The following MPPED1 variants were observed in gnomAD, a reference collection of about 807,000 sequenced individuals.
MPPED1 encodes the protein metallophosphoesterase domain containing 1.
A neutral mutation model predicts 36.2 loss-of-function variants in MPPED1; 16 were observed. The ratio of observed to expected loss-of-function variants is 0.44; its 90% CI spans 0.30 to 0.67. The LOEUF (loss-of-function observed/expected upper bound fraction) is 0.67, where lower values mean the gene tolerates loss of function less well. Ranked by LOEUF, MPPED1 falls within the 30% of genes least tolerant of loss-of-function variation. MPPED1 has a pLI of 0.10. For synonymous variants in MPPED1, 199 were observed against 191.3 expected (o/e 1.04, Z -0.33); for missense variants, 307 against 453.4 (o/e 0.68, Z 2.93).
chr22:43,456,472 T>C (rs2146860509), intron 3 of MPPED1, among the ~76,000 whole-genome samples: 1 of 152,224 alleles, frequency 6.6e-6, no homozygotes, highest in African/African-American at 2.4e-5. Flanking sequence ...TCAGAAGATC[T>C]CTTCTATTCC....
At chr22:43,416,875 T>G (rs896210820) in intron 1 of MPPED1, 16 of 458,726 alleles carry the variant, frequency 3.5e-5, no homozygotes, top group Non-Finnish European at 2.3e-5. Context: ...GTGTGTTTCT[T>G]TGCGTCTCGG....
rs940867145 is a variant in MPPED1 at position 43,450,098 on chromosome 22, A to T, written c.406+14883A>T. ...CCTTGTCCTCGGTGGGACCAGCCCCATTCTTCTCACGTGTCAGTGACCTCC... is the reference window on the plus strand; with the variant it reads ...CCTTGTCCTCGGTGGGACCAGCCCCTTTCTTCTCACGTGTCAGTGACCTCC... On this transcript the variant is annotated intron_variant, in intron 3 of 6. Transcript: ENST00000443721. Among the ~76,000 whole-genome samples, 3 of 152,126 alleles carry T rather than the reference A, an allele frequency of 2.0e-5. No homozygotes were observed. In the East Asian group the frequency reaches 5.8e-4, roughly 29 times the overall value.
chr22:43,426,965 T>G (rs1398330774), intron 2 of MPPED1, among the ~76,000 whole-genome samples: 1 of 152,124 alleles, frequency 6.6e-6, no homozygotes, highest in Non-Finnish European at 1.5e-5. Context: ...GCTGCAGGGA[T>G]GGGGGCCTTC....
chr22:43,447,859 TTATATA>T (rs1238294657), intron 3 of MPPED1, among the ~76,000 whole-genome samples: 13 of 62,526 alleles, frequency 2.1e-4, no homozygotes, highest in Non-Finnish European at 3.8e-4. Flanking sequence ...TATGTAAATA[TTATATA>T]TATATATATA....
intron 6 of MPPED1, among the ~76,000 whole-genome samples, chr22:43,503,086 G>A (rs1344128478): frequency 1.3e-5 from 2 of 152,190 alleles, no homozygotes; most frequent in Admixed American, 1.3e-4. Context: ...GCCGTGACAT[G>A]GAGGATGCAT....
chr22:43,502,188 T>C lies in MPPED1; in HGVS notation c.749-456T>C, dbSNP rs1402880911. Among the ~76,000 whole-genome samples the C allele has an allele frequency of 6.6e-6, 1 of 152,122 alleles. No individual in the cohort carries two copies. The highest frequency in any genetic ancestry group is 2.4e-5 in the African/African-American group (1 of 41,416). The stretch of plus-strand genomic sequence containing the variant: ...TTAGGAAGTTTCTGACATGGAAATC[T>C]CACTCCTGGGCTGTGTATCAGGACG... On this transcript the variant is annotated intron_variant, in intron 5 of 6. Transcript: ENST00000443721. This position sits in a 1 kb window ranked among gnomAD's most constrained non-coding sequence, Gnocchi z 5.5.
chr22:43,485,419 C>T (rs1232375243), intron 4 of MPPED1, among the ~76,000 whole-genome samples: 4 of 152,044 alleles, frequency 2.6e-5, no homozygotes, highest in Non-Finnish European at 5.9e-5. Flanking sequence ...CACACATATT[C>T]ATACACACAT....
intron 3 of MPPED1, among the ~76,000 whole-genome samples, chr22:43,441,497 G>A (rs1260557377): frequency 6.6e-6 from 1 of 152,190 alleles, no homozygotes; most frequent in Admixed American, 6.5e-5. Context: ...CCAGCCTGGT[G>A]CCGAGGTGCC....
chr22:43,413,159 C>T (rs1018596629), intron 1 of MPPED1, among the ~76,000 whole-genome samples: 4 of 152,222 alleles, frequency 2.6e-5, no homozygotes, highest in Non-Finnish European at 5.9e-5. Context: ...TCCCCCTCCC[C>T]ATTTCCCCTG....
In MPPED1 at chr22:43,450,218, A is replaced by T. The variant is rs1461326619; in HGVS notation, c.406+15003A>T. 2.0e-5 allele frequency among the ~76,000 whole-genome samples: 3 copies of T among 152,078 alleles called. No homozygotes were observed. In the East Asian group the frequency reaches 5.8e-4, roughly 29 times the overall value. Reference sequence around the variant, plus strand: ...AGCCATGATGTGGTCATGTCCGTGGACCTGGGCTAGTTTAATTCCTGAATG... The same window carrying T: ...AGCCATGATGTGGTCATGTCCGTGGTCCTGGGCTAGTTTAATTCCTGAATG... On this transcript the variant is annotated intron_variant, in intron 3 of 6. Transcript: ENST00000443721.
At chr22:43,466,387 G>A (rs1448259697) in intron 3 of MPPED1, among the ~76,000 whole-genome samples, 2 of 152,150 alleles carry the variant, frequency 1.3e-5, no homozygotes, top group South Asian at 2.1e-4. Context: ...TGTGTGCCCA[G>A]GTAGGTGACC....
In MPPED1 at chr22:43,502,130, C is replaced by T. The variant is rs1286596124; in HGVS notation, c.749-514C>T. Among the ~76,000 whole-genome samples, 6 of 152,276 alleles carry T rather than the reference C, an allele frequency of 3.9e-5. 1 individual carries two copies. Among genetic ancestry groups the T allele is most frequent in the Admixed American group, 1.3e-4 (2 of 15,306 alleles). ...AGCCACGTGAGCGATGCTGCACCCA[C>T]GGAGGAAGTTTCTGCTCATGAGTCT... On this transcript the variant is annotated intron_variant, in intron 5 of 6. Transcript: ENST00000443721. The surrounding 1 kb of genome is among the most constrained non-coding windows in gnomAD (Gnocchi z 5.5).
At chr22:43,413,930 G>A (rs1255587807) in intron 1 of MPPED1, among the ~76,000 whole-genome samples, 3 of 152,284 alleles carry the variant, frequency 2.0e-5, no homozygotes, top group African/African-American at 4.8e-5. Context: ...ATTGAATGAG[G>A]TCCCTGTACT....
chr22:43,435,707 A>C (rs1301206207), intron 3 of MPPED1, among the ~76,000 whole-genome samples: 1 of 152,152 alleles, frequency 6.6e-6, no homozygotes, highest in East Asian at 1.9e-4. Context: ...AAATACAAAA[A>C]TTAGCTGGGT....
At chr22:43,504,304 G>C (rs1254802577) in intron 6 of MPPED1, among the ~76,000 whole-genome samples, 1 of 151,988 alleles carries the variant, frequency 6.6e-6, no homozygotes, top group Non-Finnish European at 1.5e-5. Flanking sequence ...AATGACAGTG[G>C]TGTTGGTGGT....
At chr22:43,448,935 T>C (rs1368101604) in intron 3 of MPPED1, among the ~76,000 whole-genome samples, 1 of 152,074 alleles carries the variant, frequency 6.6e-6, no homozygotes, top group African/African-American at 2.4e-5. Context: ...AGACCTTTTG[T>C]ATATGGGAAC....
intron 3 of MPPED1, among the ~76,000 whole-genome samples, chr22:43,437,639 C>G (rs1360405605): frequency 6.6e-6 from 1 of 152,198 alleles, no homozygotes; most frequent in Non-Finnish European, 1.5e-5. Flanking sequence ...GCCTGGGTGA[C>G]CACAGCAGCC....
At chr22:43,483,376 C>T (rs772684833) in intron 4 of MPPED1, among the ~76,000 whole-genome samples, 6 of 152,202 alleles carry the variant, frequency 3.9e-5, no homozygotes, top group East Asian at 1.9e-4. Context: ...CTGGTTCTCC[C>T]GTCTCCACCC....
chr22:43,479,690 A>G (rs1931689925), intron 4 of MPPED1, among the ~76,000 whole-genome samples: 1 of 152,216 alleles, frequency 6.6e-6, no homozygotes, highest in African/African-American at 2.4e-5. Context: ...AGAGGGATGC[A>G]TGGACCCATT....
Sources: gnomAD v4.1 joint callset for allele counts (sites outside exome capture counted in the v4.1 genomes callset) on GRCh38, gnomAD v4.1.1 for gene constraint, Gnocchi (gnomAD v3.1) non-coding constraint, MANE v1.5 for transcripts, NCBI Gene and HGNC (gene_info 2026-07-23, HGNC 2026-07-21) for gene names.